Variants in PCSK5 observed in about 807,000 individuals in gnomAD.
PCSK5 encodes proprotein convertase subtilisin/kexin type 5.
A neutral mutation model predicts 233.2 loss-of-function variants in PCSK5; 129 were observed. The ratio of observed to expected loss-of-function variants is 0.55; its 90% CI spans 0.48 to 0.64. The LOEUF is 0.64. Ranked by LOEUF, PCSK5 falls within the 30% of genes least tolerant of loss-of-function variation. The pLI, the probability that PCSK5 is intolerant of heterozygous loss-of-function variation, is 0.00. For missense variants in PCSK5, 2,076 were observed against 2,430.1 expected (o/e 0.85, Z 3.06); for synonymous variants, 825 against 879.2 (o/e 0.94, Z 1.09).
chr9:75,904,323 T>G (rs1249428544), intron 1 of PCSK5, among the ~76,000 whole-genome samples: 1 of 152,200 alleles, frequency 6.6e-6, no homozygotes, highest in South Asian at 2.1e-4. Context: ...AAATAGTTGT[T>G]GAGGGACACC....
At chr9:75,995,744 T>TAC (rs35132294) in intron 3 of PCSK5, among the ~76,000 whole-genome samples, 11,375 of 145,924 alleles carry the variant, frequency 0.078, 514 homozygotes, top group African/African-American at 0.14. Flanking sequence ...GATTCATTCA[T>TAC]ACACACACAC....
At chr9:76,152,484 C>T (rs1156884285) in intron 10 of PCSK5, among the ~76,000 whole-genome samples, 1 of 151,998 alleles carries the variant, frequency 6.6e-6, no homozygotes, top group African/African-American at 2.4e-5. Context: ...TATTTGTTTG[C>T]CCTATTTTAT....
intron 24 of PCSK5, among the ~76,000 whole-genome samples, chr9:76,254,233 T>C (rs1231776090): frequency 1.3e-5 from 2 of 152,048 alleles, no homozygotes; most frequent in Non-Finnish European, 2.9e-5. Flanking sequence ...AGAGAGAAAA[T>C]AATGATTGTG....
rs1459191254 is a variant in PCSK5, at chr9:76,107,829, T to G, written c.1208+478T>G. 3.3e-5 allele frequency among the ~76,000 whole-genome samples: 5 copies of G among 152,234 alleles called. No homozygotes were observed. The South Asian group carries it at 1.0e-3, about 32-fold the overall frequency. On this transcript the variant is annotated intron_variant, in intron 9 of 37. Coordinates refer to ENST00000674117, the MANE Select transcript of PCSK5 (RefSeq NM_001372043.1). ...CATTTATATCAAATCCTGTTCAGTA[T>G]AGTCAAATTCTATGTCAAAAAGATT...
intron 3 of PCSK5, among the ~76,000 whole-genome samples, chr9:75,998,096 A>C (rs1350425942): frequency 6.6e-6 from 1 of 152,188 alleles, no homozygotes; most frequent in Admixed American, 6.5e-5. Flanking sequence ...TAGTTAAATT[A>C]GTGCCTTTAA....
At chr9:75,951,124 G>T (rs371428837) in intron 2 of PCSK5, among the ~76,000 whole-genome samples, 1 of 152,156 alleles carries the variant, frequency 6.6e-6, no homozygotes, top group African/African-American at 2.4e-5. Context: ...GTCCAAACTG[G>T]CACTGAATCT....
chr9:76,247,494 C>G (rs1483571632), intron 24 of PCSK5, among the ~76,000 whole-genome samples: 1 of 152,084 alleles, frequency 6.6e-6, no homozygotes, highest in Non-Finnish European at 1.5e-5. Context: ...TTTTAGTGAG[C>G]TCTCTGATTG....
chr9:76,299,238 A>G (rs1051562135), intron 27 of PCSK5, among the ~76,000 whole-genome samples: 2 of 152,192 alleles, frequency 1.3e-5, no homozygotes, highest in African/African-American at 4.8e-5. Flanking sequence ...CTAAGTAATC[A>G]AAGATTGTGC....
chr9:76,022,965 A>C (rs1438601511), intron 3 of PCSK5, among the ~76,000 whole-genome samples: 1 of 152,138 alleles, frequency 6.6e-6, no homozygotes, highest in African/African-American at 2.4e-5. Context: ...TGGGTTTTTC[A>C]TAGGAGCACA....
intron 1 of PCSK5, among the ~76,000 whole-genome samples, chr9:75,931,417 G>A (rs881134): frequency 1.3e-5 from 2 of 152,116 alleles, no homozygotes; most frequent in African/African-American, 2.4e-5. Flanking sequence ...TGGAATCTGG[G>A]CGCTGCAGTG....
At chr9:76,180,736 G>A (rs1190538939) in intron 15 of PCSK5, among the ~76,000 whole-genome samples, 1 of 152,110 alleles carries the variant, frequency 6.6e-6, no homozygotes, top group Non-Finnish European at 1.5e-5. Flanking sequence ...AAGTCTGCTG[G>A]AATTTAAATT....
At chr9:76,167,113 A>T (rs1344589120) in intron 12 of PCSK5, among the ~76,000 whole-genome samples, 2 of 152,178 alleles carry the variant, frequency 1.3e-5, no homozygotes, top group African/African-American at 2.4e-5. Context: ...GAAAATATTC[A>T]TGTAAAAAGC....
At position 76,025,348 on chromosome 9, in the gene PCSK5, AC is replaced by A. The variant is rs749354148; in HGVS notation, c.555+1469del. Reference sequence around the variant, plus strand: ...GATTGCTTGAGCTCAGTAGTTTGAGACCAGCCTGGAAAACAGCAAGACCTCA... The same window carrying A: ...GATTGCTTGAGCTCAGTAGTTTGAGACAGCCTGGAAAACAGCAAGACCTCA... On this transcript the variant is annotated intron_variant, in intron 4 of 37. Coordinates refer to ENST00000674117, the MANE Select transcript of PCSK5 (RefSeq NM_001372043.1). Among the ~76,000 whole-genome samples, 22 of 151,948 alleles carry A rather than the reference AC, an allele frequency of 1.4e-4. No homozygotes were observed. The South Asian group carries it at 1.7e-3, about 12-fold the overall frequency.
intron 9 of PCSK5, among the ~76,000 whole-genome samples, chr9:76,117,601 G>A (rs1382211023): frequency 1.3e-5 from 2 of 152,152 alleles, no homozygotes; most frequent in East Asian, 1.9e-4. Context: ...TCACAACCAA[G>A]CCTTAATAGA....
intron 5 of PCSK5, among the ~76,000 whole-genome samples, chr9:76,067,088 C>T (rs1166881834): frequency 1.3e-5 from 2 of 152,162 alleles, no homozygotes; most frequent in African/African-American, 2.4e-5. Flanking sequence ...GAATTCTTCC[C>T]AGCACACAGT....
intron 35 of PCSK5, among the ~76,000 whole-genome samples, chr9:76,346,940 G>A (rs980689488): frequency 1.3e-5 from 2 of 152,150 alleles, no homozygotes; most frequent in Non-Finnish European, 2.9e-5. Context: ...GGAAGGAGGG[G>A]TGGAGCAGGA....
chr9:76,057,828 G>A (rs1006327737), intron 5 of PCSK5, among the ~76,000 whole-genome samples: 3 of 134,560 alleles, frequency 2.2e-5, no homozygotes, highest in Non-Finnish European at 4.6e-5. Flanking sequence ...AAAGTATTCA[G>A]GGGCTTTTTT....
chr9:76,178,151 A>T (rs532618920), intron 14 of PCSK5, among the ~76,000 whole-genome samples: 1 of 152,290 alleles, frequency 6.6e-6, no homozygotes, highest in Admixed American at 6.5e-5. Flanking sequence ...ACTTCAGTCC[A>T]TAGACAGCAG....
At chr9:76,144,117 C>T (rs144989663) in intron 10 of PCSK5, among the ~76,000 whole-genome samples, 3 of 151,970 alleles carry the variant, frequency 2.0e-5, no homozygotes, top group Non-Finnish European at 2.9e-5. Flanking sequence ...TTCCTCCTTC[C>T]GAAGTATTGT....
Sources: allele counts gnomAD v4.1 joint callset (sites outside exome capture counted in the v4.1 genomes callset), GRCh38; gene constraint gnomAD v4.1.1; transcripts MANE v1.5; gene names NCBI Gene and HGNC (gene_info 2026-07-23, HGNC 2026-07-21).